The following DENND2B variants were observed in gnomAD, a reference collection of about 807,000 sequenced individuals.
DENND2B encodes DENN domain containing 2B.
DENND2B carries 32 observed loss-of-function variants against 116.0 expected under a neutral mutation model. The ratio of observed to expected loss-of-function variants is 0.28; its 90% CI spans 0.21 to 0.37. The LOEUF is 0.37. DENND2B is among the 10% of genes least tolerant of loss of function. The pLI is 1.00. For missense variants in DENND2B, 1,276 were observed against 1,477.7 expected (o/e 0.86, Z 2.24); for synonymous variants, 588 against 583.9 (o/e 1.01, Z -0.10).
intron 1 of DENND2B, among the ~76,000 whole-genome samples, chr11:8,907,046 T>G (rs1233318874): frequency 6.7e-6 from 1 of 148,460 alleles, no homozygotes; most frequent in Non-Finnish European, 1.5e-5. Flanking sequence ...ACTTGTTTTT[T>G]CTCCTCAAAA....
At chr11:8,703,789 C>T in intron 13 of DENND2B, among the ~76,000 whole-genome samples, 1 of 152,294 alleles carries the variant, frequency 6.6e-6, no homozygotes, top group East Asian at 1.9e-4. Flanking sequence ...AAAATGGGCA[C>T]AGGGCATGGT....
At chr11:8,757,647 G>C (rs1353905265) in intron 1 of DENND2B, among the ~76,000 whole-genome samples, 2 of 152,186 alleles carry the variant, frequency 1.3e-5, no homozygotes, top group Non-Finnish European at 2.9e-5. Flanking sequence ...CACTTCATGT[G>C]TATTAAGTCA....
chr11:8,894,030 G>A (rs1199689266), intron 1 of DENND2B, among the ~76,000 whole-genome samples: 1 of 152,130 alleles, frequency 6.6e-6, no homozygotes, highest in East Asian at 1.9e-4. Flanking sequence ...AAACAGCATG[G>A]TACTGGTACC....
At chr11:8,814,449 T>C (rs2061500712), upstream of DENND2B, among the ~76,000 whole-genome samples, 1 of 152,082 alleles carries the variant, frequency 6.6e-6, no homozygotes, top group Non-Finnish European at 1.5e-5. Context: ...ATCAGCCACA[T>C]ACAACTGCTT....
intron 4 of DENND2B, among the ~76,000 whole-genome samples, chr11:8,816,668 C>T (rs2061579444): frequency 6.6e-6 from 1 of 152,114 alleles, no homozygotes. Context: ...TTTTCCTCTT[C>T]TGCCTGTGAA....
chr11:8,886,206 A>T (rs1231809967), intron 1 of DENND2B, among the ~76,000 whole-genome samples: 1 of 152,192 alleles, frequency 6.6e-6, no homozygotes, highest in African/African-American at 2.4e-5. Context: ...AAGTGCTGGG[A>T]TTACAGGCGT....
chr11:8,834,885 T>G (rs1457583398), intron 4 of DENND2B, among the ~76,000 whole-genome samples: 1 of 152,180 alleles, frequency 6.6e-6, no homozygotes, highest in Non-Finnish European at 1.5e-5. Flanking sequence ...TGTTTATACA[T>G]AATAAAGACA....
At chr11:8,764,710 T>C (rs2055311862) in intron 1 of DENND2B, among the ~76,000 whole-genome samples, 1 of 152,128 alleles carries the variant, frequency 6.6e-6, no homozygotes, top group Non-Finnish European at 1.5e-5. Context: ...GGCTCACGCC[T>C]GTAATTCCAG....
rs945366982 is a variant in DENND2B at position 8,787,331 on chromosome 11, G to C, written c.-26+23186C>G. 5.3e-5 allele frequency: 6 copies of C among 112,920 alleles called. No individual in the cohort carries two copies. In the Admixed American group the frequency reaches 6.9e-4, roughly 13 times the overall value. 7.0% of individuals were successfully genotyped at this position (112,920 alleles called of 1,614,324 possible). ...AGGAGAAGATGCATAAAGCAGAGCT[G>C]ACAGTTTTCTTTTTCATTTTTTTTT... On this transcript the variant is annotated intron_variant, in intron 1 of 19. Transcript: ENST00000313726.
chr11:8,905,841 A>G (rs1196947448), intron 1 of DENND2B, among the ~76,000 whole-genome samples: 1 of 152,132 alleles, frequency 6.6e-6, no homozygotes, highest in East Asian at 1.9e-4. Context: ...TCAGTCATAA[A>G]AAAGAATGAA....
At chr11:8,717,512 C>T (rs1018044525) in intron 5 of DENND2B, among the ~76,000 whole-genome samples, 1 of 152,172 alleles carries the variant, frequency 6.6e-6, no homozygotes, top group African/African-American at 2.4e-5. Context: ...TGCCAATTGT[C>T]CACAGAGGTT....
rs1421270865 is a variant in DENND2B at position 8,702,280 on chromosome 11, A to G, written c.2720+292T>C. Among the ~76,000 whole-genome samples, 1 of 151,978 alleles carries G rather than the reference A, an allele frequency of 6.6e-6. No individual in the cohort carries two copies. Among genetic ancestry groups the G allele is most frequent in the East Asian group, 1.9e-4 (1 of 5,170 alleles). ...CAATTTCTTAACCTTTCCCCTTTAC[A>G]TATCCCGGCACCTGCACAGTCTTGG... On this transcript the variant is annotated intron_variant, in intron 14 of 19. Coordinates refer to ENST00000313726, the MANE Select transcript of DENND2B (RefSeq NM_213618.2). The surrounding 1 kb of genome is among the most constrained non-coding windows in gnomAD (Gnocchi z 4.6).
At chr11:8,783,756 A>G (rs748143025) in intron 1 of DENND2B, among the ~76,000 whole-genome samples, 1 of 152,248 alleles carries the variant, frequency 6.6e-6, no homozygotes, top group African/African-American at 2.4e-5. Context: ...TTTACTTGAA[A>G]TAACGGAAAA....
Position 8,712,854 on chromosome 11 carries a change from A to G in DENND2B, c.1988-119T>C. 2 of 1,062,864 alleles carry G rather than the reference A, an allele frequency of 1.9e-6. No homozygotes were observed. Among genetic ancestry groups the G allele is most frequent in the South Asian group, 3.4e-5 (2 of 58,374 alleles). 65.8% of individuals were successfully genotyped at this position (1,062,864 alleles called of 1,614,324 possible). ...TTTAAGTACGTGAGCCTAGTCTGATACCATCCCCAGCTCACAGTGCAGGAG... is the reference window on the plus strand; with the variant it reads ...TTTAAGTACGTGAGCCTAGTCTGATGCCATCCCCAGCTCACAGTGCAGGAG... On this transcript the variant is annotated intron_variant, in intron 8 of 19. Transcript: ENST00000313726. The surrounding 1 kb of genome is among the most constrained non-coding windows in gnomAD (Gnocchi z 4.4).
chr11:8,874,106 T>A (rs555824599), upstream of DENND2B, among the ~76,000 whole-genome samples: 5 of 152,234 alleles, frequency 3.3e-5, no homozygotes, highest in Non-Finnish European at 7.3e-5. Flanking sequence ...CTGGCTCTAA[T>A]TTGGATAGTT....
intron 1 of DENND2B, chr11:8,771,963 A>C (rs1168601737): frequency 6.6e-6 from 1 of 152,144 alleles, no homozygotes; most frequent in Non-Finnish European, 1.5e-5. Flanking sequence ...TCACAATGAC[A>C]ATCAGATTTC....
intron 1 of DENND2B, 31 bp from the exon 2 acceptor site, chr11:8,750,756 T>TTTC: frequency 6.2e-7 from 1 of 1,607,766 alleles, no homozygotes; most frequent in Non-Finnish European, 8.5e-7. Context: ...GTAAGCCAAG[T>TTTC]TTCTATAGGC....
In DENND2B at chr11:8,707,867, A is replaced by AAGG. The variant is rs751705831; in HGVS notation, c.2353-16_2353-14dup. 183 of 1,603,714 alleles carry AAGG rather than the reference A, an allele frequency of 1.1e-4. No homozygotes were observed. Among genetic ancestry groups the AAGG allele is most frequent in the Non-Finnish European group, 3.5e-5 (41 of 1,175,438 alleles). ...CTTTCCCACTTGGCTGGGCCAGGAC[A>AAGG]AGGAGGAGGAGGAGAGAGACAGACA... is the stretch of plus-strand genomic sequence containing the variant. On this transcript the variant is annotated splice_polypyrimidine_tract_variant and intron_variant, in intron 11 of 19. Coordinates refer to ENST00000313726, the MANE Select transcript of DENND2B (RefSeq NM_213618.2). The surrounding 1 kb of genome is among the most constrained non-coding windows in gnomAD (Gnocchi z 4.8).
At chr11:8,817,199 C>T (rs764413810) in intron 4 of DENND2B, among the ~76,000 whole-genome samples, 5 of 152,188 alleles carry the variant, frequency 3.3e-5, no homozygotes, top group African/African-American at 7.2e-5. Context: ...ACAAAGCAGA[C>T]ATTGAACAGC....
Sources: gnomAD v4.1 joint callset for allele counts (sites outside exome capture counted in the v4.1 genomes callset) on GRCh38, gnomAD v4.1.1 for gene constraint, Gnocchi (gnomAD v3.1) non-coding constraint, MANE v1.5 for transcripts, NCBI Gene and HGNC (gene_info 2026-07-23, HGNC 2026-07-21) for gene names.